Variants in LY6S observed in about 807,000 individuals in gnomAD.
LY6S encodes the protein lymphocyte antigen 6 family member S.
the LY6S span, among the ~76,000 whole-genome samples, chr8:143,055,136 C>T: frequency 6.6e-6 from 1 of 152,178 alleles, no homozygotes; most frequent in South Asian, 2.1e-4. Context: ...TGCCCTACTC[C>T]CTTTAATAGT....
At chr8:143,067,604 C>T in the LY6S span, among the ~76,000 whole-genome samples, 1 of 152,190 alleles carries the variant, frequency 6.6e-6, no homozygotes, top group Non-Finnish European at 1.5e-5. Flanking sequence ...TGCGAGGACC[C>T]GCGTCGGCGC....
the LY6S span, among the ~76,000 whole-genome samples, chr8:143,070,433 T>TATACA: frequency 5.3e-5 from 5 of 94,840 alleles, no homozygotes; most frequent in African/African-American, 3.2e-4. Context: ...TATATATATA[T>TATACA]TATATATATA....
the LY6S span, among the ~76,000 whole-genome samples, chr8:143,046,870 G>A: frequency 6.6e-6 from 1 of 151,556 alleles, no homozygotes; most frequent in Non-Finnish European, 1.5e-5. Context: ...GCGTGGTGGC[G>A]GGCACCTGTA....
chr8:143,051,951 G>GA, the LY6S span, among the ~76,000 whole-genome samples: 1 of 143,518 alleles, frequency 7.0e-6, no homozygotes, highest in Non-Finnish European at 1.5e-5. Context: ...CAGCCTGGGT[G>GA]ACAGAGTGAG....
At chr8:143,059,801 AT>A in the LY6S span, 1 of 152,154 alleles carries the variant, frequency 6.6e-6, no homozygotes, top group East Asian at 1.9e-4. Flanking sequence ...GTACAATGGA[AT>A]AGAGGTAGGT....
At chr8:143,044,609 C>T in the LY6S span, 5 of 1,286,698 alleles carry the variant, frequency 3.9e-6, no homozygotes, top group Non-Finnish European at 5.1e-6. Context: ...GGACCTTGGT[C>T]CATCATGCAG....
chr8:143,062,455 C>T, the LY6S span, among the ~76,000 whole-genome samples: 8 of 152,190 alleles, frequency 5.3e-5, no homozygotes. Flanking sequence ...ATCATGAGGT[C>T]AGGAGTTCAA....
the LY6S span, chr8:143,053,238 G>A: frequency 1.3e-5 from 2 of 152,298 alleles, no homozygotes; most frequent in East Asian, 3.9e-4. Context: ...ACCAGAGGAA[G>A]CCGCTCATGA....
At chr8:143,052,867 T>A in the LY6S span, among the ~76,000 whole-genome samples, 1 of 152,182 alleles carries the variant, frequency 6.6e-6, no homozygotes, top group African/African-American at 2.4e-5. Flanking sequence ...AAAAGGAAAC[T>A]TAGTCTTTTT....
chr8:143,048,188 G>A, the LY6S span, among the ~76,000 whole-genome samples: 1 of 152,178 alleles, frequency 6.6e-6, no homozygotes, highest in African/African-American at 2.4e-5. Flanking sequence ...GCCCAGGGCT[G>A]TTTCAGTCAA....
At chr8:143,046,838 GA>G in the LY6S span, among the ~76,000 whole-genome samples, 3 of 150,324 alleles carry the variant, frequency 2.0e-5, no homozygotes, top group East Asian at 2.0e-4. Flanking sequence ...TGTCTCTACT[GA>G]AAAAAAATAA....
the LY6S span, among the ~76,000 whole-genome samples, chr8:143,062,255 T>A: frequency 6.6e-6 from 1 of 152,222 alleles, no homozygotes; most frequent in Non-Finnish European, 1.5e-5. Flanking sequence ...TTCTATAGAC[T>A]GACAAGGTAA....
At chr8:143,049,067 G>A in the LY6S span, 16 of 439,742 alleles carry the variant, frequency 3.6e-5, no homozygotes, top group African/African-American at 2.6e-4. Context: ...GACCCAGGAC[G>A]GTGTATGCCA....
the LY6S span, among the ~76,000 whole-genome samples, chr8:143,051,199 C>T: frequency 6.6e-6 from 1 of 152,180 alleles, no homozygotes; most frequent in South Asian, 2.1e-4. Flanking sequence ...AGCAGTGGCC[C>T]AGCTAGCCTT....
the LY6S span, chr8:143,066,327 A>T: frequency 4.8e-6 from 1 of 208,278 alleles, no homozygotes; most frequent in Non-Finnish European, 9.7e-6. Context: ...CACACCGGCT[A>T]TTTTTTGTAT....
At chr8:143,071,319 A>AGAGGGGAGGGATGAGTGGGTGGAGC in the LY6S span, among the ~76,000 whole-genome samples, 2 of 152,164 alleles carry the variant, frequency 1.3e-5, no homozygotes, top group Non-Finnish European at 2.9e-5. Context: ...GCTATGGGAT[A>AGAGGGGAGGGATGAGTGGGTGGAGC]GAGGGGAGGG....
chr8:143,054,157 T>A, the LY6S span: 1 of 151,812 alleles, frequency 6.6e-6, no homozygotes, highest in Admixed American at 6.6e-5. Flanking sequence ...ATACAAAAAA[T>A]TAGCCAGGCG....
chr8:143,058,136 T>C, the LY6S span, among the ~76,000 whole-genome samples: 1 of 152,074 alleles, frequency 6.6e-6, no homozygotes, highest in Admixed American at 6.6e-5. Flanking sequence ...AAACAAGGGG[T>C]GTAGGGTCCA....
chr8:143,049,339 G>T, the LY6S span: 1 of 529,114 alleles, frequency 1.9e-6, no homozygotes. Context: ...TACACTGTTT[G>T]TCCTGGGTAC....
Sources: gnomAD v4.1 joint callset for allele counts (sites outside exome capture counted in the v4.1 genomes callset) on GRCh38, gnomAD v4.1.1 for gene constraint, MANE v1.5 for transcripts, NCBI Gene and HGNC (gene_info 2026-07-23, HGNC 2026-07-21) for gene names.